The following TYW1 variants were observed in gnomAD, a reference collection of about 807,000 sequenced individuals.
TYW1 encodes the protein tRNA-yW synthesizing protein 1 homolog.
In TYW1, 46 loss-of-function variants were observed where a neutral mutation model predicts 96.2. The ratio of observed to expected loss-of-function variants is 0.48; its 90% CI spans 0.38 to 0.61. The LOEUF (loss-of-function observed/expected upper bound fraction) is 0.61. Ranked by LOEUF, TYW1 falls within the 20% of genes least tolerant of loss-of-function variation. TYW1 has a pLI of 0.00. For synonymous variants in TYW1, 274 were observed against 323.0 expected (o/e 0.85, Z 1.63); for missense variants, 684 against 909.6 (o/e 0.75, Z 3.19).
At chr7:67,091,440 G>C (rs151048756) in intron 11 of TYW1, among the ~76,000 whole-genome samples, 9,068 of 150,552 alleles carry the variant, frequency 0.06, 400 homozygotes, top group South Asian at 0.11. Context: ...GGGAGGGATA[G>C]CATTAGGAGA....
At chr7:67,080,606 G>A (rs1796354934) in intron 10 of TYW1, among the ~76,000 whole-genome samples, 1 of 151,956 alleles carries the variant, frequency 6.6e-6, no homozygotes, top group Non-Finnish European at 1.5e-5. Flanking sequence ...CACCATGTTG[G>A]CCAGGCTGGT....
chr7:67,014,692 CTT>C, intron 5 of TYW1, 131 bp downstream of exon 5: 1 of 1,068,652 alleles, frequency 9.4e-7, no homozygotes, highest in South Asian at 2.0e-5. Flanking sequence ...AATCCACAAA[CTT>C]TGGTAGCTAG....
chr7:67,094,651 A>AGGGTGTGTGTGTGT (rs745340578), intron 11 of TYW1, among the ~76,000 whole-genome samples: 2 of 141,600 alleles, frequency 1.4e-5, no homozygotes, highest in Non-Finnish European at 3.1e-5. Flanking sequence ...AGAGAATTAG[A>AGGGTGTGTGTGTGT]GTGTGTGTGT....
intron 15 of TYW1, among the ~76,000 whole-genome samples, chr7:67,229,763 G>C (rs879548290): frequency 1.1e-4 from 17 of 152,154 alleles, no homozygotes; most frequent in African/African-American, 3.1e-4. Context: ...AGACCATCCT[G>C]GGCTGCATAG....
intron 7 of TYW1, among the ~76,000 whole-genome samples, chr7:67,029,417 A>G (rs59614347): frequency 0.058 from 5,648 of 97,078 alleles, 233 homozygotes; most frequent in East Asian, 0.18. Flanking sequence ...GTGTGTGTGT[A>G]TATATATATA....
At chr7:67,063,751 C>G (rs1488639565) in intron 9 of TYW1, among the ~76,000 whole-genome samples, 2 of 151,924 alleles carry the variant, frequency 1.3e-5, no homozygotes, top group Admixed American at 6.6e-5. Context: ...CTACAGGTGC[C>G]CGCCACCAAG....
chr7:67,010,344 C>T (rs62466596), intron 4 of TYW1, among the ~76,000 whole-genome samples: 5,510 of 151,986 alleles, frequency 0.036, 153 homozygotes, highest in Middle Eastern at 0.11. Context: ...GACAGGCTCT[C>T]ACTCTCTCAC....
chr7:67,097,606 C>T (rs1196830820), intron 11 of TYW1, among the ~76,000 whole-genome samples: 2 of 152,164 alleles, frequency 1.3e-5, no homozygotes, highest in African/African-American at 4.8e-5. Context: ...ACCATGTTGC[C>T]AGGCTGGTGT....
intron 13 of TYW1, among the ~76,000 whole-genome samples, chr7:67,133,264 C>CGT (rs1798141689): frequency 6.6e-6 from 1 of 151,656 alleles, no homozygotes; most frequent in African/African-American, 2.4e-5. Context: ...AGTCCCCCCA[C>CGT]GAAGCTCGGA....
chr7:67,166,032 G>T (rs897852157), intron 13 of TYW1, among the ~76,000 whole-genome samples: 3 of 152,084 alleles, frequency 2.0e-5, no homozygotes, highest in Admixed American at 6.6e-5. Context: ...TTGAGGCCAG[G>T]AGTTTGAGAC....
At chr7:67,013,116 T>G (rs929227667) in intron 4 of TYW1, among the ~76,000 whole-genome samples, 1 of 147,072 alleles carries the variant, frequency 6.8e-6, no homozygotes, top group Non-Finnish European at 1.5e-5. Context: ...TTTTCTTTTC[T>G]TTTCTTTTTT....
At chr7:67,156,413 G>GT (rs1387261618) in intron 13 of TYW1, among the ~76,000 whole-genome samples, 1 of 152,248 alleles carries the variant, frequency 6.6e-6, no homozygotes, top group Admixed American at 6.5e-5. Context: ...GAGAAACCAC[G>GT]TTTTCAGGGC....
chr7:67,136,656 T>C (rs928737502), intron 13 of TYW1, among the ~76,000 whole-genome samples: 1 of 21,928 alleles, frequency 4.6e-5, no homozygotes, highest in Non-Finnish European at 8.1e-5. Context: ...AGTGCGTGTG[T>C]GTGTGTGTGT....
intron 13 of TYW1, among the ~76,000 whole-genome samples, chr7:67,153,061 T>G (rs1443425662): frequency 6.6e-6 from 1 of 152,260 alleles, no homozygotes; most frequent in African/African-American, 2.4e-5. Context: ...TTGTAACATT[T>G]AGCCCCAGCC....
rs1040788676 is a variant in TYW1, at chr7:67,237,669, TTC to T, written c.1978-637_1978-636del. On this transcript the variant is annotated intron_variant, in intron 15 of 15. Coordinates refer to ENST00000359626, the MANE Select transcript of TYW1 (RefSeq NM_018264.4). The stretch of plus-strand genomic sequence containing the variant: ...TCCTTCTGAGCCTCTTCAACTTTCT[TTC>T]TGTTTTCTTCATTCCAGGTCATTAT... 3.9e-5 allele frequency among the ~76,000 whole-genome samples: 6 copies of T among 152,190 alleles called. No homozygotes were observed. The East Asian group carries it at 9.6e-4, about 24-fold the overall frequency.
intron 11 of TYW1, among the ~76,000 whole-genome samples, chr7:67,096,217 A>G (rs1226016086): frequency 2.0e-5 from 3 of 152,128 alleles, no homozygotes; most frequent in African/African-American, 4.8e-5. Context: ...GTGAAACCAC[A>G]TCTCTACTGA....
chr7:66,998,734 A>G, intron 2 of TYW1, 83 bp from the exon 3 acceptor site: 2 of 1,457,664 alleles, frequency 1.4e-6, no homozygotes, highest in Non-Finnish European at 1.9e-6. Context: ...AAAATGTGTC[A>G]GTATCTGTGC....
At chr7:67,080,555 A>T (rs1796352236) in intron 10 of TYW1, among the ~76,000 whole-genome samples, 1 of 151,928 alleles carries the variant, frequency 6.6e-6, no homozygotes, top group African/African-American at 2.4e-5. Context: ...GCCCACCACC[A>T]CACCTGGCTA....
chr7:67,119,492 T>G (rs1797697779), intron 13 of TYW1, among the ~76,000 whole-genome samples: 1 of 152,194 alleles, frequency 6.6e-6, no homozygotes, highest in Non-Finnish European at 1.5e-5. Context: ...ACCTTCTCCC[T>G]TCTGAGTCTT....
Sources: gnomAD v4.1 joint callset for allele counts (sites outside exome capture counted in the v4.1 genomes callset) on GRCh38, gnomAD v4.1.1 for gene constraint, MANE v1.5 for transcripts, NCBI Gene and HGNC (gene_info 2026-07-23, HGNC 2026-07-21) for gene names.